ZNF595: variants seen among roughly 807,000 people sequenced by gnomAD.
ZNF595 encodes the protein zinc finger protein 595.
Under a neutral mutation model 19.4 loss-of-function variants are expected in ZNF595, and 9 were observed. The observed-to-expected ratio is 0.46, with a 90% CI of 0.28 to 0.81. The LOEUF is 0.81. Among genes scored for constraint, ZNF595 ranks in the 30% least tolerant of loss-of-function variants. ZNF595 has a pLI of 0.11. For missense variants in ZNF595, 729 were observed against 736.0 expected, an observed-to-expected ratio of 0.99 and a Z score of 0.11; for synonymous variants, 255 against 255.9, an observed-to-expected ratio of 1.00 and a Z score of 0.03.
chr4:69,351 AT>A (rs1713335371), intron 3 of ZNF595, among the ~76,000 whole-genome samples: 1 of 152,200 alleles, frequency 6.6e-6, no homozygotes. Flanking sequence ...ACTAATTTAC[AT>A]TCACACCAAG....
At chr4:84,978 T>A (rs1366792461) in intron 3 of ZNF595, among the ~76,000 whole-genome samples, 7 of 152,216 alleles carry the variant, frequency 4.6e-5, no homozygotes, top group African/African-American at 1.7e-4. Context: ...TATTGTAACA[T>A]CTGTTTGTTA....
chr4:83,271 C>G (rs1030412398), intron 3 of ZNF595, among the ~76,000 whole-genome samples: 1 of 151,968 alleles, frequency 6.6e-6, no homozygotes, highest in Non-Finnish European at 1.5e-5. Context: ...TTTTTTCTTT[C>G]ATCTTGCCTT....
Position 72,479 on chromosome 4 carries a change from C to A in ZNF595, c.226+12326C>A, listed in dbSNP as rs184594735. Reference sequence around the variant, plus strand: ...TAGAGATTTGCCAAAACATCAGTTTCTTTTTTCTGCATGGTGGAGAATTTG... The same window carrying A: ...TAGAGATTTGCCAAAACATCAGTTTATTTTTTCTGCATGGTGGAGAATTTG... On this transcript the variant is annotated intron_variant, in intron 3 of 3. Transcript: ENST00000610261. 2.2e-4 allele frequency among the ~76,000 whole-genome samples: 34 copies of A among 152,224 alleles called. No individual in the cohort carries two copies. The East Asian group carries it at 6.2e-3, about 28-fold the overall frequency.
chr4:63,572 ACT>A, intron 3 of ZNF595, among the ~76,000 whole-genome samples: 1 of 151,284 alleles, frequency 6.6e-6, no homozygotes, highest in Non-Finnish European at 1.5e-5. Context: ...ACAGAGTCTC[ACT>A]CTGTTCCCTA....
intron 3 of ZNF595, among the ~76,000 whole-genome samples, chr4:61,379 G>T (rs1287927656): frequency 4.6e-5 from 7 of 152,058 alleles, no homozygotes; most frequent in Admixed American, 1.3e-4. Context: ...CAAGTGATCC[G>T]CCCACCTCTG....
At chr4:82,908 C>T (rs1374803575) in intron 3 of ZNF595, among the ~76,000 whole-genome samples, 2 of 152,086 alleles carry the variant, frequency 1.3e-5, no homozygotes, top group African/African-American at 4.8e-5. Context: ...GCTTTGAAGT[C>T]TTCTATTTCC....
At chr4:66,857 A>G (rs1461931714) in intron 3 of ZNF595, among the ~76,000 whole-genome samples, 35 of 152,056 alleles carry the variant, frequency 2.3e-4, no homozygotes, top group African/African-American at 7.2e-4. Flanking sequence ...TTCTAAAAAC[A>G]GGAAACGTTG....
At chr4:77,544 G>C (rs782223665) in intron 3 of ZNF595, among the ~76,000 whole-genome samples, 11 of 152,132 alleles carry the variant, frequency 7.2e-5, no homozygotes, top group Non-Finnish European at 5.9e-5. Context: ...AGTCATTACA[G>C]ACTAGTTGGG....
chr4:88,191 G>T lies in ZNF595; in HGVS notation c.*740G>T, dbSNP rs953114069. On this transcript the variant is annotated 3_prime_UTR_variant, in exon 4 of 4. Transcript: ENST00000610261. ...GCATCTCTTTCCGCAAATAAATGCA[G>T]ACTTTGGTTTTGATTTACATGGAGT... 6.6e-6 allele frequency: 1 copy of T among 152,058 alleles called. No homozygotes were observed. Among genetic ancestry groups the T allele is most frequent in the East Asian group, 1.9e-4 (1 of 5,194 alleles). The allele number at this position is 152,058 out of a possible 1,614,324, so 9.4% of individuals were successfully genotyped here.
rs782709620 is a variant in ZNF595, at chr4:85,957, TA to T, written c.456del (p.Val153PhefsTer13). ...AAATATTTCAATGTAATACATGTGT[TA>T]AAGTTTTTAGTAAATTTTCAAATTC... ...SKIFQCNTCV[K>X]VFSKFSNSNK... On this transcript the variant is annotated frameshift_variant, in exon 4 of 4. Transcript: ENST00000610261. LOFTEE classifies it low-confidence loss of function (END_TRUNC). The T allele has an allele frequency of 6.2e-7, 1 of 1,610,614 alleles. No individual in the cohort carries two copies. Among genetic ancestry groups the T allele is most frequent in the Non-Finnish European group, 8.5e-7 (1 of 1,177,946 alleles).
chr4:63,308 C>A (rs1712924090), intron 3 of ZNF595, among the ~76,000 whole-genome samples: 1 of 143,546 alleles, frequency 7.0e-6, no homozygotes, highest in Non-Finnish European at 1.5e-5. Context: ...TTTAAGATAA[C>A]ACTTAAATTT....
intron 3 of ZNF595, among the ~76,000 whole-genome samples, chr4:73,017 G>A (rs1713493654): frequency 6.6e-6 from 1 of 152,196 alleles, no homozygotes; most frequent in Admixed American, 6.5e-5. Flanking sequence ...ACAGGCAGAT[G>A]CAGTGAGAGT....
intron 3 of ZNF595, among the ~76,000 whole-genome samples, chr4:60,886 T>A (rs1302169995): frequency 7.4e-4 from 111 of 149,578 alleles, no homozygotes; most frequent in Admixed American, 2.0e-3. Context: ...TATATTCAAA[T>A]TTTCAAATTA....
chr4:82,373 T>G (rs1476566619), intron 3 of ZNF595, among the ~76,000 whole-genome samples: 13 of 68,290 alleles, frequency 1.9e-4, no homozygotes, highest in East Asian at 9.0e-4. Context: ...TGGTTTGTGG[T>G]TTTTTTTTTT....
chr4:76,777 C>G (rs532409187), intron 3 of ZNF595, among the ~76,000 whole-genome samples: 43 of 152,274 alleles, frequency 2.8e-4, no homozygotes, highest in African/African-American at 1.0e-3. Flanking sequence ...TATGATCTCA[C>G]TCCTATCTGG....
chr4:66,684 C>T (rs1713126573), intron 3 of ZNF595, among the ~76,000 whole-genome samples: 1 of 152,064 alleles, frequency 6.6e-6, no homozygotes, highest in Non-Finnish European at 1.5e-5. Context: ...CCAACACCAT[C>T]TATTGAAGAG....
intron 3 of ZNF595, among the ~76,000 whole-genome samples, chr4:76,828 A>G (rs1403891973): frequency 6.6e-6 from 1 of 152,142 alleles, no homozygotes; most frequent in African/African-American, 2.4e-5. Context: ...ATAACCTTAT[A>G]GGGGTTCCCT....
intron 3 of ZNF595, among the ~76,000 whole-genome samples, chr4:79,600 A>G (rs1191210220): frequency 6.6e-5 from 10 of 150,614 alleles, no homozygotes; most frequent in South Asian, 2.1e-4. Flanking sequence ...TTTTATGCCA[A>G]TATTTTGCTG....
At position 88,080 on chromosome 4, in the gene ZNF595, TAAG is replaced by T. The variant is rs1714316616; in HGVS notation, c.*630_*632del. 1 of 152,192 alleles carries T rather than the reference TAAG, an allele frequency of 6.6e-6. No individual in the cohort carries two copies. Among genetic ancestry groups the T allele is most frequent in the South Asian group, 2.1e-4 (1 of 4,832 alleles). The allele number at this position is 152,192 out of a possible 1,614,324, so 9.4% of individuals were successfully genotyped here. ...ACTACAGGTTATTTTATGATTATAA[TAAG>T]TATATGAGTATAATTATAATTCACA... is the stretch of plus-strand genomic sequence containing the variant. On this transcript the variant is annotated 3_prime_UTR_variant, in exon 4 of 4. Transcript: ENST00000610261.
Sources: allele counts gnomAD v4.1 joint callset (sites outside exome capture counted in the v4.1 genomes callset), GRCh38; gene constraint gnomAD v4.1.1; transcripts MANE v1.5; gene names NCBI Gene and HGNC (gene_info 2026-07-23, HGNC 2026-07-21).